The following MAPKAP1 variants were observed in gnomAD, a reference collection of about 807,000 sequenced individuals.
MAPKAP1 encodes MAPK associated protein 1.
In MAPKAP1, 20 loss-of-function variants were observed where a neutral mutation model predicts 65.7. The observed-to-expected ratio is 0.30, with a 90% CI of 0.21 to 0.44. The LOEUF (loss-of-function observed/expected upper bound fraction) is 0.44. MAPKAP1 is among the 20% of genes least tolerant of loss of function. The pLI, the probability that MAPKAP1 is intolerant of heterozygous loss-of-function variation, is 1.00. For synonymous variants in MAPKAP1, 222 were observed against 244.3 expected (o/e 0.91, Z 0.85); for missense variants, 423 against 648.0 (o/e 0.65, Z 3.77).
chr9:125,506,218 G>T, intron 8 of MAPKAP1, 92 bp downstream of exon 8: 1 of 1,086,092 alleles, frequency 9.2e-7, no homozygotes, highest in Non-Finnish European at 1.4e-6. Flanking sequence ...AATCTGCCTA[G>T]GGAAACCAGA....
chr9:125,480,850 T>C (rs1322332592), intron 9 of MAPKAP1, among the ~76,000 whole-genome samples: 1 of 151,654 alleles, frequency 6.6e-6, no homozygotes, highest in Non-Finnish European at 1.5e-5. Context: ...CAGGCGCCTG[T>C]AGTCCCAGCT....
At chr9:125,615,538 CAAAAA>C (rs58426049) in intron 4 of MAPKAP1, among the ~76,000 whole-genome samples, 1,261 of 110,758 alleles carry the variant, frequency 0.011, 11 homozygotes, top group Non-Finnish European at 0.016. Context: ...ACTAAAAATA[CAAAAA>C]AAAAAAAAAA....
chr9:125,528,701 G>A (rs756914903), intron 7 of MAPKAP1, among the ~76,000 whole-genome samples: 6 of 151,322 alleles, frequency 4.0e-5, no homozygotes, highest in Non-Finnish European at 7.4e-5. Context: ...ACAAAAATTA[G>A]CTGGGCGTGG....
chr9:125,637,137 C>T (rs548416337), intron 4 of MAPKAP1, among the ~76,000 whole-genome samples: 4 of 152,022 alleles, frequency 2.6e-5, no homozygotes, highest in South Asian at 4.2e-4. Flanking sequence ...GATGTGGTGG[C>T]GCACACCTGT....
intron 10 of MAPKAP1, among the ~76,000 whole-genome samples, chr9:125,464,594 A>C (rs1564520241): frequency 6.6e-6 from 1 of 152,230 alleles, no homozygotes; most frequent in Non-Finnish European, 1.5e-5. Flanking sequence ...CTATTTAGCC[A>C]TTAAGTTCAA....
intron 4 of MAPKAP1, among the ~76,000 whole-genome samples, chr9:125,606,559 G>A (rs774667118): frequency 7.9e-5 from 12 of 152,062 alleles, no homozygotes; most frequent in East Asian, 1.9e-4. Context: ...TACTGTCCTC[G>A]CACATTCCCT....
intron 1 of MAPKAP1, among the ~76,000 whole-genome samples, chr9:125,697,669 C>T (rs191111908): frequency 6.6e-6 from 1 of 152,276 alleles, no homozygotes; most frequent in Non-Finnish European, 1.5e-5. Context: ...TATCTTTCGA[C>T]ATCTCTGATT....
chr9:125,526,602 A>G (rs1258234239), intron 7 of MAPKAP1, among the ~76,000 whole-genome samples: 2 of 152,232 alleles, frequency 1.3e-5, no homozygotes, highest in Non-Finnish European at 2.9e-5. Context: ...GACATCCAAC[A>G]TGTTGAAATG....
chr9:125,632,869 T>G (rs1833326837), intron 4 of MAPKAP1, among the ~76,000 whole-genome samples: 1 of 152,140 alleles, frequency 6.6e-6, no homozygotes, highest in African/African-American at 2.4e-5. Context: ...GGAGAATATC[T>G]CCAGCTTGCG....
chr9:125,552,050 TCTC>T (rs1262811301), intron 6 of MAPKAP1, among the ~76,000 whole-genome samples: 2 of 152,292 alleles, frequency 1.3e-5, no homozygotes, highest in South Asian at 2.1e-4. Flanking sequence ...ACTCCCTACT[TCTC>T]CTCTCTGACA....
chr9:125,522,284 T>A (rs1271022693), intron 7 of MAPKAP1, among the ~76,000 whole-genome samples: 1 of 152,232 alleles, frequency 6.6e-6, no homozygotes, highest in Non-Finnish European at 1.5e-5. Context: ...TATAAACTTA[T>A]CATCCTTCCA....
intron 5 of MAPKAP1, among the ~76,000 whole-genome samples, chr9:125,566,483 G>A (rs1831054812): frequency 6.6e-6 from 1 of 152,136 alleles, no homozygotes; most frequent in Non-Finnish European, 1.5e-5. Context: ...AGGATAGCTT[G>A]AGCCTGGGAG....
intron 7 of MAPKAP1, among the ~76,000 whole-genome samples, chr9:125,524,823 T>C (rs1264707049): frequency 6.6e-6 from 1 of 152,238 alleles, no homozygotes; most frequent in Non-Finnish European, 1.5e-5. Context: ...CCCTGGGAAG[T>C]CCTGCTGAAA....
rs141934829 is a variant in MAPKAP1 at position 125,559,692 on chromosome 9, G to C, written c.789C>G (p.Ala263=). ...CAGGAGATGAGTACTTTTCAACCAGGGCCAAAGTACTGAAGCCAAACTTAT... is the reference window on the plus strand; with the variant it reads ...CAGGAGATGAGTACTTTTCAACCAGCGCCAAAGTACTGAAGCCAAACTTAT... ...PIHKFGFSTL[A]LVEKYSSPGL... Residue 263 remains alanine (A), a synonymous_variant, in exon 6 of 12, where the codon GCC becomes GCG. Transcript: ENST00000265960. The C allele has an allele frequency of 1.2e-5, 20 of 1,613,878 alleles. No homozygotes were observed. Among genetic ancestry groups the C allele is most frequent in the Non-Finnish European group, 1.5e-5 (18 of 1,179,896 alleles).
At chr9:125,477,898 C>G (rs527478726) in intron 9 of MAPKAP1, among the ~76,000 whole-genome samples, 4 of 152,282 alleles carry the variant, frequency 2.6e-5, no homozygotes, top group Non-Finnish European at 5.9e-5. Flanking sequence ...TTGGTAGAAT[C>G]TCAAGTAAAG....
chr9:125,437,808 G>C lies in MAPKAP1; in HGVS notation c.*1079C>G, dbSNP rs763249495. 1.3e-5 allele frequency: 2 copies of C among 152,304 alleles called. No individual in the cohort carries two copies. Among genetic ancestry groups the C allele is most frequent in the Non-Finnish European group, 2.9e-5 (2 of 68,080 alleles). 9.4% of individuals were successfully genotyped at this position (152,304 alleles called of 1,614,324 possible). A position where few individuals can be genotyped will look rare whatever the true frequency, so the allele number is the denominator to read the frequency against. ...ATCACCGCAGGAGGGACACTGAAGAGGCTGTCGAGGACTGCAGAGGCATCT... is the reference window on the plus strand; with the variant it reads ...ATCACCGCAGGAGGGACACTGAAGACGCTGTCGAGGACTGCAGAGGCATCT... On this transcript the variant is annotated 3_prime_UTR_variant, in exon 12 of 12. Coordinates refer to ENST00000265960, the MANE Select transcript of MAPKAP1 (RefSeq NM_001006617.3).
intron 1 of MAPKAP1, among the ~76,000 whole-genome samples, chr9:125,693,834 T>TACACACACACACACAC (rs1430763244): frequency 4.6e-5 from 4 of 87,772 alleles, no homozygotes; most frequent in East Asian, 2.8e-4. Flanking sequence ...CACACACATA[T>TACACACACACACACAC]ATATACACAC....
intron 7 of MAPKAP1, among the ~76,000 whole-genome samples, chr9:125,542,360 CTCTT>C (rs1211002042): frequency 6.6e-6 from 1 of 152,168 alleles, no homozygotes; most frequent in Non-Finnish European, 1.5e-5. Context: ...TTTAAGAAGT[CTCTT>C]TATTTACAGA....
intron 5 of MAPKAP1, among the ~76,000 whole-genome samples, chr9:125,577,793 G>A (rs1312017882): frequency 7.5e-5 from 11 of 147,370 alleles, no homozygotes; most frequent in South Asian, 4.4e-4. Flanking sequence ...CAGCCGCCCC[G>A]TCCAGGAGGG....
Sources: allele counts gnomAD v4.1 joint callset (sites outside exome capture counted in the v4.1 genomes callset), GRCh38; gene constraint gnomAD v4.1.1; transcripts MANE v1.5; gene names NCBI Gene and HGNC (gene_info 2026-07-23, HGNC 2026-07-21).